RIMS1: variants seen among roughly 807,000 people sequenced by gnomAD.
RIMS1 encodes regulating synaptic membrane exocytosis 1, also known as regulating synaptic membrane exocytosis protein 1.
In RIMS1, 83 loss-of-function variants were observed where a neutral mutation model predicts 214.1. That is an observed-to-expected ratio of 0.39 (90% CI 0.32 to 0.47). The LOEUF (loss-of-function observed/expected upper bound fraction) is 0.47. RIMS1 is among the 20% of genes least tolerant of loss of function. RIMS1 has a pLI of 0.99. For synonymous variants in RIMS1, 793 were observed against 786.8 expected (o/e 1.01, Z -0.13); for missense variants, 2,050 against 2,161.8 (o/e 0.95, Z 1.03).
At chr6:71,989,317 A>G (rs1800898351) in intron 2 of RIMS1, among the ~76,000 whole-genome samples, 1 of 152,194 alleles carries the variant, frequency 6.6e-6, no homozygotes, top group Non-Finnish European at 1.5e-5. Context: ...GGCAGTCATT[A>G]TTACTGCCTC....
chr6:72,290,202 G>A (rs2154248346), intron 24 of RIMS1, among the ~76,000 whole-genome samples: 1 of 152,264 alleles, frequency 6.6e-6, no homozygotes, highest in Admixed American at 6.5e-5. Context: ...TTATTACAGA[G>A]TAAAATTATG....
intron 28 of RIMS1, among the ~76,000 whole-genome samples, chr6:72,321,405 G>A (rs974578299): frequency 5.3e-5 from 8 of 152,166 alleles, no homozygotes; most frequent in African/African-American, 1.9e-4. Context: ...TTTTGTATGT[G>A]TTGCATTTAC....
intron 26 of RIMS1, among the ~76,000 whole-genome samples, chr6:72,307,021 G>A (rs1006096145): frequency 3.9e-5 from 6 of 152,234 alleles, no homozygotes; most frequent in East Asian, 1.9e-4. Flanking sequence ...AAGAAATAGA[G>A]TATATTTTGT....
intron 28 of RIMS1, among the ~76,000 whole-genome samples, chr6:72,326,985 G>A (rs1249079289): frequency 6.6e-6 from 1 of 151,740 alleles, no homozygotes; most frequent in Non-Finnish European, 1.5e-5. Flanking sequence ...GGGGCCATCA[G>A]TTAAGGAATT....
At chr6:72,241,188 T>C (rs2807526) in intron 9 of RIMS1, among the ~76,000 whole-genome samples, 149,676 of 152,322 alleles carry the variant, frequency 0.98, 73,588 homozygotes, top group East Asian at 1. Flanking sequence ...ATTCTAGGTA[T>C]ACATTGAAAA....
At chr6:71,912,016 G>A (rs1197512781) in intron 1 of RIMS1, among the ~76,000 whole-genome samples, 1 of 152,036 alleles carries the variant, frequency 6.6e-6, no homozygotes, top group Non-Finnish European at 1.5e-5. Flanking sequence ...CAAAAACAAT[G>A]TTCTGAAATT....
intron 25 of RIMS1, 30 bp downstream of exon 25, chr6:72,290,891 A>G (rs889753127): frequency 6.2e-7 from 1 of 1,604,366 alleles, no homozygotes; most frequent in Admixed American, 1.7e-5. Flanking sequence ...CTCAGCATTC[A>G]TGTCCTGCCT....
chr6:72,071,086 C>T (rs1420926854), intron 2 of RIMS1, among the ~76,000 whole-genome samples: 1 of 152,180 alleles, frequency 6.6e-6, no homozygotes, highest in African/African-American at 2.4e-5. Context: ...ATACATTACA[C>T]TTCACAAGAT....
At chr6:72,266,528 A>G (rs2080616075) in intron 22 of RIMS1, among the ~76,000 whole-genome samples, 1 of 152,262 alleles carries the variant, frequency 6.6e-6, no homozygotes, top group African/African-American at 2.4e-5. Flanking sequence ...ATCTACATTC[A>G]TTTTTAATCA....
At chr6:71,998,460 T>A (rs182596482) in intron 2 of RIMS1, among the ~76,000 whole-genome samples, 146 of 152,194 alleles carry the variant, frequency 9.6e-4, no homozygotes, top group African/African-American at 3.3e-3. Context: ...GTGAATCTGT[T>A]TGTTTATGGC....
intron 29 of RIMS1, among the ~76,000 whole-genome samples, chr6:72,367,480 C>T (rs1038995364): frequency 2.0e-5 from 3 of 151,964 alleles, no homozygotes; most frequent in Admixed American, 6.6e-5. Flanking sequence ...CTTTTAGATC[C>T]AAAGGAAACA....
intron 2 of RIMS1, among the ~76,000 whole-genome samples, chr6:72,011,131 A>G (rs1231179504): frequency 1.3e-5 from 2 of 152,206 alleles, no homozygotes; most frequent in African/African-American, 2.4e-5. Flanking sequence ...CAAAACAGAG[A>G]TATAGACCAA....
At chr6:72,091,933 T>G (rs536099029) in intron 2 of RIMS1, among the ~76,000 whole-genome samples, 6 of 152,320 alleles carry the variant, frequency 3.9e-5, no homozygotes, top group Admixed American at 1.3e-4. Flanking sequence ...AGTCCCACAT[T>G]TACTGTAAGA....
intron 22 of RIMS1, among the ~76,000 whole-genome samples, chr6:72,272,445 A>T (rs1410184233): frequency 6.6e-6 from 1 of 152,150 alleles, no homozygotes; most frequent in African/African-American, 2.4e-5. Flanking sequence ...AAACAGATTT[A>T]TTATATTGGT....
intron 2 of RIMS1, among the ~76,000 whole-genome samples, chr6:72,085,574 G>A (rs1451721772): frequency 2.6e-5 from 4 of 152,098 alleles, no homozygotes; most frequent in Non-Finnish European, 4.4e-5. Context: ...TGAGATGACA[G>A]ATCTGTGAAA....
intron 18 of RIMS1, 27 bp from the exon 19 acceptor site, chr6:72,260,678 C>T: frequency 6.2e-7 from 1 of 1,610,624 alleles, no homozygotes; most frequent in Non-Finnish European, 8.5e-7. Flanking sequence ...TTATCTGTTT[C>T]ACTCACCACC....
Position 72,279,129 on chromosome 6 carries a change from T to C in RIMS1, c.3482+4697T>C, listed in dbSNP as rs147962172. On this transcript the variant is annotated intron_variant, in intron 23 of 33. Transcript: ENST00000521978. The stretch of plus-strand genomic sequence containing the variant: ...TATCCTTTAATAAAATTTTAATGCC[T>C]TCAGAAAAGCTTTATTTACCAACGT... Among the ~76,000 whole-genome samples the C allele has an allele frequency of 5.5e-3, 840 of 152,112 alleles. 21 individuals carry two copies. Among genetic ancestry groups the C allele is most frequent in the South Asian group, 0.053 (256 of 4,820 alleles).
intron 1 of RIMS1, among the ~76,000 whole-genome samples, chr6:71,958,090 C>T (rs1791822410): frequency 6.6e-6 from 1 of 152,040 alleles, no homozygotes; most frequent in African/African-American, 2.4e-5. Context: ...ATATAAAGAG[C>T]TTAAACGAGT....
chr6:72,204,579 C>T (rs538970962), intron 6 of RIMS1, among the ~76,000 whole-genome samples: 12 of 152,312 alleles, frequency 7.9e-5, no homozygotes, highest in African/African-American at 2.2e-4. Flanking sequence ...AATCAAATTT[C>T]GCCTTCTCCT....
Sources: allele counts gnomAD v4.1 joint callset (sites outside exome capture counted in the v4.1 genomes callset), GRCh38; gene constraint gnomAD v4.1.1; transcripts MANE v1.5; gene names NCBI Gene and HGNC (gene_info 2026-07-23, HGNC 2026-07-21).